STXBP5L: variants seen among roughly 807,000 people sequenced by gnomAD.
STXBP5L encodes syntaxin-binding protein 5-like.
STXBP5L carries 65 observed loss-of-function variants against 144.5 expected under a neutral mutation model. The ratio of observed to expected loss-of-function variants is 0.45; its 90% CI spans 0.37 to 0.55. The LOEUF (loss-of-function observed/expected upper bound fraction) is 0.55, where lower values mean the gene tolerates loss of function less well. Ranked by LOEUF, STXBP5L falls within the 20% of genes least tolerant of loss-of-function variation. The pLI, the probability that STXBP5L is intolerant of heterozygous loss-of-function variation, is 0.00. For synonymous variants in STXBP5L, 505 were observed against 469.6 expected (o/e 1.08, Z -0.97); for missense variants, 1,298 against 1,405.5 (o/e 0.92, Z 1.22).
chr3:120,958,805 A>C (rs1243985773), intron 3 of STXBP5L, among the ~76,000 whole-genome samples: 2 of 152,224 alleles, frequency 1.3e-5, no homozygotes, highest in African/African-American at 2.4e-5. Context: ...ATTATACTGA[A>C]TGGGCAAAAA....
intron 20 of STXBP5L, among the ~76,000 whole-genome samples, chr3:121,351,583 G>T (rs983334287): frequency 3.3e-5 from 5 of 152,138 alleles, no homozygotes; most frequent in African/African-American, 9.7e-5. Context: ...GTAGATTCTG[G>T]ATATAAGCCC....
At chr3:121,157,361 C>A in intron 8 of STXBP5L, 143 bp from the exon 9 acceptor site, 1 of 831,296 alleles carries the variant, frequency 1.2e-6, no homozygotes, top group Non-Finnish European at 1.7e-6. Context: ...AAATTATAGT[C>A]TGATATGGGT....
chr3:120,937,791 A>G (rs902870549), intron 2 of STXBP5L, among the ~76,000 whole-genome samples: 7 of 152,198 alleles, frequency 4.6e-5, no homozygotes, highest in African/African-American at 1.7e-4. Flanking sequence ...TAATTTATAT[A>G]CTTAAACAAG....
At chr3:121,242,052 A>C (rs1357504243) in intron 14 of STXBP5L, among the ~76,000 whole-genome samples, 3 of 151,146 alleles carry the variant, frequency 2.0e-5, no homozygotes, top group African/African-American at 7.4e-5. Flanking sequence ...AATATCCTTC[A>C]AGAATTAAGG....
At chr3:121,149,484 C>A (rs1430658339) in intron 7 of STXBP5L, among the ~76,000 whole-genome samples, 1 of 151,256 alleles carries the variant, frequency 6.6e-6, no homozygotes, top group African/African-American at 2.4e-5. Flanking sequence ...TTTAGCAAAG[C>A]AGTTAGATAA....
intron 5 of STXBP5L, among the ~76,000 whole-genome samples, chr3:121,084,104 T>G (rs1487406123): frequency 6.6e-6 from 1 of 152,156 alleles, no homozygotes; most frequent in African/African-American, 2.4e-5. Context: ...TTACTATTTT[T>G]TTTTACTCTG....
intron 5 of STXBP5L, among the ~76,000 whole-genome samples, chr3:121,058,076 A>T (rs931676094): frequency 6.6e-6 from 1 of 152,174 alleles, no homozygotes. Context: ...TGCTGCACTC[A>T]TCAATCCGTC....
At chr3:121,027,588 A>C (rs916750432) in intron 3 of STXBP5L, among the ~76,000 whole-genome samples, 1 of 152,058 alleles carries the variant, frequency 6.6e-6, no homozygotes, top group African/African-American at 2.4e-5. Flanking sequence ...CACAGTGGTC[A>C]GTGGAGTCTA....
intron 5 of STXBP5L, among the ~76,000 whole-genome samples, chr3:121,046,977 G>T (rs945637011): frequency 3.3e-5 from 5 of 151,824 alleles, no homozygotes; most frequent in African/African-American, 1.2e-4. Context: ...ATGAATTTTT[G>T]ATGTGGACCT....
chr3:121,260,531 C>CT (rs564462425), intron 18 of STXBP5L, among the ~76,000 whole-genome samples: 1 of 151,762 alleles, frequency 6.6e-6, no homozygotes, highest in Non-Finnish European at 1.5e-5. Flanking sequence ...CTCTAATATG[C>CT]TTTTTTTCTT....
At chr3:121,415,770 G>T in intron 24 of STXBP5L, 87 bp from the exon 25 acceptor site, 2 of 751,930 alleles carry the variant, frequency 2.7e-6, no homozygotes, top group South Asian at 2.7e-5. Context: ...TTTTCATGAT[G>T]TGTCCTACTA....
At chr3:121,283,466 G>A (rs577293471) in intron 19 of STXBP5L, among the ~76,000 whole-genome samples, 10 of 152,068 alleles carry the variant, frequency 6.6e-5, no homozygotes, top group African/African-American at 2.2e-4. Context: ...GAGAATATTG[G>A]TATCTATGTT....
chr3:121,162,451 TA>T (rs2046358299), intron 9 of STXBP5L, among the ~76,000 whole-genome samples: 1 of 152,152 alleles, frequency 6.6e-6, no homozygotes, highest in Admixed American at 6.5e-5. Context: ...ACGTAAGACC[TA>T]AAACCATAAA....
chr3:121,411,577 G>A (rs1440673151), intron 23 of STXBP5L, among the ~76,000 whole-genome samples: 1 of 152,086 alleles, frequency 6.6e-6, no homozygotes, highest in Non-Finnish European at 1.5e-5. Flanking sequence ...AAAATTATCT[G>A]CTACATTAGG....
intron 10 of STXBP5L, among the ~76,000 whole-genome samples, chr3:121,214,826 T>G (rs897618965): frequency 3.9e-5 from 6 of 152,166 alleles, no homozygotes; most frequent in African/African-American, 1.4e-4. Flanking sequence ...CCACTATTAT[T>G]GTGTGGGAGT....
At chr3:121,003,611 A>G (rs1421978768) in intron 3 of STXBP5L, among the ~76,000 whole-genome samples, 1 of 152,086 alleles carries the variant, frequency 6.6e-6, no homozygotes, top group Non-Finnish European at 1.5e-5. Flanking sequence ...GGTGTTTTAG[A>G]CATGAAGTCC....
intron 20 of STXBP5L, among the ~76,000 whole-genome samples, chr3:121,328,902 C>T (rs2044236501): frequency 1.3e-5 from 2 of 152,020 alleles, no homozygotes; most frequent in South Asian, 4.2e-4. Context: ...TTGTAACTAC[C>T]ACCTTCTATT....
At chr3:121,198,592 T>C (rs1208400501) in intron 9 of STXBP5L, among the ~76,000 whole-genome samples, 1 of 152,252 alleles carries the variant, frequency 6.6e-6, no homozygotes, top group African/African-American at 2.4e-5. Flanking sequence ...GCCTAGGTTT[T>C]CTTCTAGGAT....
At chr3:121,001,486 A>G (rs1943771397) in intron 3 of STXBP5L, among the ~76,000 whole-genome samples, 1 of 152,208 alleles carries the variant, frequency 6.6e-6, no homozygotes, top group Non-Finnish European at 1.5e-5. Flanking sequence ...GAGGATGGGT[A>G]TCCCTGGCTG....
Sources: allele counts gnomAD v4.1 joint callset (sites outside exome capture counted in the v4.1 genomes callset), GRCh38; gene constraint gnomAD v4.1.1; transcripts MANE v1.5; gene names NCBI Gene and HGNC (gene_info 2026-07-23, HGNC 2026-07-21).